Variants in CDH13 observed in about 807,000 individuals in gnomAD.
CDH13 encodes cadherin-13.
CDH13 carries 24 observed loss-of-function variants against 63.8 expected under a neutral mutation model. That is an observed-to-expected ratio of 0.38 (90% CI 0.27 to 0.53). The LOEUF is 0.53. Among genes scored for constraint, CDH13 ranks in the 20% least tolerant of loss-of-function variants. The pLI, the probability that CDH13 is intolerant of heterozygous loss-of-function variation, is 0.85. For synonymous variants in CDH13, 503 were observed against 355.3 expected, an observed-to-expected ratio of 1.42 and a Z score of -4.67; for missense variants, 1,049 against 903.1, an observed-to-expected ratio of 1.16 and a Z score of -2.07.
At chr16:83,494,030 A>T (rs918217289) in intron 7 of CDH13, among the ~76,000 whole-genome samples, 3 of 152,230 alleles carry the variant, frequency 2.0e-5, no homozygotes, top group Non-Finnish European at 4.4e-5. Flanking sequence ...TTAAAGTATC[A>T]GACAATCAGT....
At chr16:83,176,632 C>G (rs970499789) in intron 4 of CDH13, among the ~76,000 whole-genome samples, 3 of 151,924 alleles carry the variant, frequency 2.0e-5, no homozygotes, top group Non-Finnish European at 2.9e-5. Context: ...ACTGAGCATC[C>G]TCAACTTTGT....
intron 2 of CDH13, among the ~76,000 whole-genome samples, chr16:83,006,107 C>T (rs994828688): frequency 1.1e-4 from 16 of 152,168 alleles, no homozygotes; most frequent in African/African-American, 3.4e-4. Context: ...ACAATACTGG[C>T]GTCAGCTCTC....
At chr16:83,010,362 G>GT (rs1288177963) in intron 2 of CDH13, among the ~76,000 whole-genome samples, 3 of 152,020 alleles carry the variant, frequency 2.0e-5, no homozygotes, top group Non-Finnish European at 4.4e-5. Context: ...TGCATTAACT[G>GT]TAAGAGAAAG....
rs11349889 is a variant in CDH13, at chr16:83,799,299, CA to C, written c.*4290del. The C allele has an allele frequency of 0.37, 40,100 of 108,460 alleles. 5,623 individuals carry two copies. The highest frequency in any genetic ancestry group is 0.39 in the Non-Finnish European group (20,818 of 53,002). The allele number at this position is 108,460 out of a possible 1,614,324, so 6.7% of individuals were successfully genotyped here. On this transcript the variant is annotated 3_prime_UTR_variant, in exon 14 of 14. Transcript: ENST00000567109. ...CCTGGGCAACAGAGCAAGACTCCGT[CA>C]AAAAAAAAAAAAAAAAAAAAGAAAG...
At chr16:82,678,628 A>G (rs1914203996) in intron 1 of CDH13, among the ~76,000 whole-genome samples, 1 of 152,212 alleles carries the variant, frequency 6.6e-6, no homozygotes, top group African/African-American at 2.4e-5. Flanking sequence ...ACTAAGAAAT[A>G]TTTGGATCTT....
At chr16:83,513,692 G>A (rs2074629275) in intron 7 of CDH13, among the ~76,000 whole-genome samples, 6 of 152,122 alleles carry the variant, frequency 3.9e-5, no homozygotes. Context: ...CAGCATGAGG[G>A]TAACTGCCAC....
chr16:83,054,413 A>G (rs894790932), intron 3 of CDH13, among the ~76,000 whole-genome samples: 7 of 152,224 alleles, frequency 4.6e-5, no homozygotes, highest in African/African-American at 1.7e-4. Context: ...CTTGCATACA[A>G]GCACTGATAT....
At chr16:82,845,564 C>G (rs1242209431) in intron 1 of CDH13, among the ~76,000 whole-genome samples, 1 of 152,176 alleles carries the variant, frequency 6.6e-6, no homozygotes, top group Non-Finnish European at 1.5e-5. Flanking sequence ...TGTTTCCCAT[C>G]TTTTGTCTCT....
At chr16:82,756,799 C>T (rs551537452) in intron 1 of CDH13, among the ~76,000 whole-genome samples, 9 of 152,156 alleles carry the variant, frequency 5.9e-5, no homozygotes, top group Admixed American at 2.6e-4. Flanking sequence ...CCTCTTAGAA[C>T]TGAAAATTGA....
chr16:83,240,279 G>C (rs1044278961), intron 5 of CDH13, among the ~76,000 whole-genome samples: 3 of 152,228 alleles, frequency 2.0e-5, no homozygotes, highest in South Asian at 4.2e-4. Context: ...AGGCCTGGGA[G>C]GGGGTGGATC....
intron 4 of CDH13, among the ~76,000 whole-genome samples, chr16:83,136,503 A>C (rs7205543): frequency 6.7e-6 from 1 of 149,790 alleles, no homozygotes; most frequent in South Asian, 2.1e-4. Flanking sequence ...AAAAAAAAAA[A>C]AAAAGAAATA....
rs370660181 is a variant in CDH13, at chr16:83,508,055, AGAAGGAAGGAAGGAAGGAAG to A, written c.960+21424_960+21443del. ...CGAAAGAAAGAAAGAGAGAAAGAGA[AGAAGGAAGGAAGGAAGGAAG>A]GAAGGAAGGAAGGAAGGAAGGAAAG... On this transcript the variant is annotated intron_variant, in intron 7 of 13. Coordinates refer to ENST00000567109, the MANE Select transcript of CDH13 (RefSeq NM_001257.5). Among the ~76,000 whole-genome samples the A allele has an allele frequency of 1.4e-3, 83 of 58,234 alleles. 2 individuals carry two copies. Among genetic ancestry groups the A allele is most frequent in the African/African-American group, 6.3e-3 (80 of 12,654 alleles). The allele number at this position is 58,234 out of a possible 152,430, so 38.2% of individuals were successfully genotyped here.
At chr16:83,536,964 C>T (rs2075203687) in intron 7 of CDH13, among the ~76,000 whole-genome samples, 1 of 152,176 alleles carries the variant, frequency 6.6e-6, no homozygotes, top group African/African-American at 2.4e-5. Flanking sequence ...GGTGTTTCAT[C>T]TTCTCAGTAA....
chr16:82,790,178 T>A (rs983982822), intron 1 of CDH13, among the ~76,000 whole-genome samples: 1 of 152,142 alleles, frequency 6.6e-6, no homozygotes, highest in Admixed American at 6.5e-5. Flanking sequence ...ATCTCATACC[T>A]ATAATCCCAG....
intron 8 of CDH13, among the ~76,000 whole-genome samples, chr16:83,662,030 G>T (rs1257777146): frequency 1.3e-5 from 2 of 152,156 alleles, no homozygotes; most frequent in African/African-American, 4.8e-5. Context: ...GATCACCCTG[G>T]GTGGGTGGGT....
chr16:82,912,639 T>G (rs2041866741), intron 2 of CDH13, among the ~76,000 whole-genome samples: 1 of 152,208 alleles, frequency 6.6e-6, no homozygotes, highest in Admixed American at 6.5e-5. Flanking sequence ...TTTCTGTTAT[T>G]GCATTGAAAG....
At chr16:82,983,543 AACTCCTTGGC>A (rs1910556662) in intron 2 of CDH13, among the ~76,000 whole-genome samples, 1 of 152,166 alleles carries the variant, frequency 6.6e-6, no homozygotes, top group Non-Finnish European at 1.5e-5. Flanking sequence ...AGACGATGCA[AACTCCTTGGC>A]ACCAAGAAGA....
intron 2 of CDH13, among the ~76,000 whole-genome samples, chr16:82,900,999 G>A (rs963431719): frequency 1.3e-5 from 2 of 152,102 alleles, no homozygotes; most frequent in Non-Finnish European, 2.9e-5. Context: ...AATGCCAAGG[G>A]AAGTTTCTAG....
chr16:82,912,535 A>G (rs1187622886), intron 2 of CDH13, among the ~76,000 whole-genome samples: 3 of 152,232 alleles, frequency 2.0e-5, no homozygotes, highest in Admixed American at 1.3e-4. Flanking sequence ...GATGACTATG[A>G]CAGGTGGGAA....
Sources: gnomAD v4.1 joint callset for allele counts (sites outside exome capture counted in the v4.1 genomes callset) on GRCh38, gnomAD v4.1.1 for gene constraint, MANE v1.5 for transcripts, NCBI Gene and HGNC (gene_info 2026-07-23, HGNC 2026-07-21) for gene names.